LHFPL3: variants seen among roughly 807,000 people sequenced by gnomAD.
LHFPL3 encodes LHFPL tetraspan subfamily member 3, also known as LHFPL tetraspan subfamily member 3 protein.
Under a neutral mutation model 19.3 loss-of-function variants are expected in LHFPL3, and 5 were observed. That is an observed-to-expected ratio of 0.26 (90% CI 0.14 to 0.54). LHFPL3 has a LOEUF of 0.54. Among genes scored for constraint, LHFPL3 ranks in the 20% least tolerant of loss-of-function variants. LHFPL3 has a pLI of 0.94. For synonymous variants in LHFPL3, 133 were observed against 126.2 expected, an observed-to-expected ratio of 1.05 and a Z score of -0.36; for missense variants, 249 against 307.4, an observed-to-expected ratio of 0.81 and a Z score of 1.42.
At chr7:104,775,554 G>A (rs934515752) in intron 2 of LHFPL3, among the ~76,000 whole-genome samples, 5 of 151,968 alleles carry the variant, frequency 3.3e-5, no homozygotes, top group Non-Finnish European at 7.4e-5. Context: ...CCAGGTGTGT[G>A]AAAATTAGGG....
intron 1 of LHFPL3, among the ~76,000 whole-genome samples, chr7:104,685,184 T>C (rs1281260646): frequency 2.0e-5 from 3 of 152,044 alleles, no homozygotes; most frequent in African/African-American, 7.3e-5. Context: ...CCATCTCTAC[T>C]AAAAATACAA....
Position 104,524,809 on chromosome 7 carries a change from TC to T in LHFPL3, c.445+195589del, listed in dbSNP as rs370198661. 6.4e-4 allele frequency among the ~76,000 whole-genome samples: 97 copies of T among 152,280 alleles called. 1 individual carries two copies. The South Asian group carries it at 0.019, about 30-fold the overall frequency. ...CTCCAAAATTTACTGGTTCTACATC[TC>T]CCCTGTTAATCTCCTACTATTTGTT... On this transcript the variant is annotated intron_variant, in intron 1 of 2. Transcript: ENST00000424859.
intron 2 of LHFPL3, among the ~76,000 whole-genome samples, chr7:104,897,808 G>C (rs1408713693): frequency 6.6e-6 from 1 of 152,014 alleles, no homozygotes; most frequent in African/African-American, 2.4e-5. Context: ...AAAGCAATTA[G>C]ATGCACAAAC....
At chr7:104,552,856 A>G (rs1794688728) in intron 1 of LHFPL3, among the ~76,000 whole-genome samples, 4 of 152,216 alleles carry the variant, frequency 2.6e-5, no homozygotes, top group Admixed American at 2.6e-4. Context: ...TGGAAATAGA[A>G]AGTAGGAATT....
At chr7:104,339,618 G>C (rs567628444) in intron 1 of LHFPL3, among the ~76,000 whole-genome samples, 1 of 152,318 alleles carries the variant, frequency 6.6e-6, no homozygotes, top group South Asian at 2.1e-4. Context: ...CATTTCTTTA[G>C]TGTAAGTCTT....
chr7:104,714,342 T>C (rs1400179925), intron 1 of LHFPL3, among the ~76,000 whole-genome samples: 9 of 152,142 alleles, frequency 5.9e-5, no homozygotes, highest in African/African-American at 2.2e-4. Context: ...TTACCATAGA[T>C]TGGTCATAGC....
intron 1 of LHFPL3, among the ~76,000 whole-genome samples, chr7:104,575,780 G>C (rs545756533): frequency 6.6e-6 from 1 of 152,026 alleles, no homozygotes; most frequent in African/African-American, 2.4e-5. Flanking sequence ...CCAAAGTGCT[G>C]GGATTACAGG....
intron 1 of LHFPL3, among the ~76,000 whole-genome samples, chr7:104,672,168 GA>G (rs1164331671): frequency 6.6e-6 from 1 of 151,890 alleles, no homozygotes; most frequent in Non-Finnish European, 1.5e-5. Flanking sequence ...TAAGACACAG[GA>G]TGAGCCAAAC....
chr7:104,367,145 A>G (rs1419897311), intron 1 of LHFPL3, among the ~76,000 whole-genome samples: 1 of 152,214 alleles, frequency 6.6e-6, no homozygotes, highest in Non-Finnish European at 1.5e-5. Flanking sequence ...TGGATTAATT[A>G]TATTCAGGTG....
chr7:104,450,625 T>C (rs956520895), intron 1 of LHFPL3, among the ~76,000 whole-genome samples: 3 of 152,024 alleles, frequency 2.0e-5, no homozygotes, highest in African/African-American at 7.2e-5. Context: ...CTAATGTAGA[T>C]GACGGGTTGA....
intron 1 of LHFPL3, among the ~76,000 whole-genome samples, chr7:104,677,644 G>T (rs1792617007): frequency 6.6e-6 from 1 of 152,158 alleles, no homozygotes; most frequent in Non-Finnish European, 1.5e-5. Context: ...ACATTCTAGG[G>T]CAGTCCTGTC....
chr7:104,491,481 A>C (rs1167086709), intron 1 of LHFPL3, among the ~76,000 whole-genome samples: 2 of 151,762 alleles, frequency 1.3e-5, no homozygotes, highest in Non-Finnish European at 1.5e-5. Flanking sequence ...AAAAAAAAAA[A>C]CAAATTATAG....
intron 2 of LHFPL3, among the ~76,000 whole-genome samples, chr7:104,883,134 A>C (rs899701991): frequency 2.0e-5 from 3 of 152,252 alleles, no homozygotes; most frequent in Non-Finnish European, 4.4e-5. Context: ...GCTAGAATTA[A>C]GAGAAAAAGC....
At chr7:104,340,630 A>G (rs59217833) in intron 1 of LHFPL3, among the ~76,000 whole-genome samples, 1 of 152,324 alleles carries the variant, frequency 6.6e-6, no homozygotes, top group African/African-American at 2.4e-5. Context: ...GAGTGGCGCA[A>G]TTTGTGTATG....
chr7:104,532,449 C>T (rs149179114), intron 1 of LHFPL3, among the ~76,000 whole-genome samples: 1 of 151,738 alleles, frequency 6.6e-6, no homozygotes, highest in Admixed American at 6.6e-5. Context: ...GCATGAGCCA[C>T]TGTGCCCTGC....
At chr7:104,645,258 T>C (rs764989274) in intron 1 of LHFPL3, among the ~76,000 whole-genome samples, 1 of 152,200 alleles carries the variant, frequency 6.6e-6, no homozygotes, top group Non-Finnish European at 1.5e-5. Flanking sequence ...CTCTGTTTTT[T>C]TCAAAACTGC....
intron 1 of LHFPL3, among the ~76,000 whole-genome samples, chr7:104,500,889 T>A (rs1013456896): frequency 7.2e-5 from 11 of 152,190 alleles, no homozygotes; most frequent in African/African-American, 2.4e-4. Context: ...TCAAATGCCT[T>A]CTCATCCTTC....
intron 1 of LHFPL3, among the ~76,000 whole-genome samples, chr7:104,625,951 T>C (rs1791536530): frequency 6.6e-6 from 1 of 152,196 alleles, no homozygotes; most frequent in African/African-American, 2.4e-5. Context: ...CCAGCTGTCA[T>C]CTTTCCTCCC....
chr7:104,488,385 C>A (rs1245561415), intron 1 of LHFPL3, among the ~76,000 whole-genome samples: 2 of 152,092 alleles, frequency 1.3e-5, no homozygotes, highest in African/African-American at 4.8e-5. Context: ...CTGCTCTTTT[C>A]ATTGGTTCAC....
Sources: gnomAD v4.1 joint callset for allele counts (sites outside exome capture counted in the v4.1 genomes callset) on GRCh38, gnomAD v4.1.1 for gene constraint, MANE v1.5 for transcripts, NCBI Gene and HGNC (gene_info 2026-07-23, HGNC 2026-07-21) for gene names.